The following ZNF705G variants were observed in gnomAD, a reference collection of about 807,000 sequenced individuals.
ZNF705G encodes putative zinc finger protein 705G.
A neutral mutation model predicts 19.6 loss-of-function variants in ZNF705G; 23 were observed. That is an observed-to-expected ratio of 1.17 (90% CI 0.84 to 1.66). The LOEUF (loss-of-function observed/expected upper bound fraction) is 1.66. Ranked by LOEUF, ZNF705G falls within the 40% of genes most tolerant of loss-of-function variation. The probability of loss-of-function intolerance (pLI) is 0.00; values close to 1 mark genes in which losing one functional copy is unlikely to be tolerated. For synonymous variants in ZNF705G, 146 were observed against 117.7 expected (o/e 1.24, Z -1.56); for missense variants, 457 against 354.4 (o/e 1.29, Z -2.32).
chr8:7,360,973 T>A lies in ZNF705G; in HGVS notation c.139+137A>T. ...TTTATTTCAGATAGATTTAGAGAGT[T>A]CAAACCTTTTTCAGATGAGATCTGT... On this transcript the variant is annotated intron_variant, in intron 4 of 6. Transcript: ENST00000400156. 3 of 1,519,584 alleles carry A rather than the reference T, an allele frequency of 2.0e-6. No homozygotes were observed. In the South Asian group the frequency reaches 3.7e-5, roughly 19 times the overall value. The allele number at this position is 1,519,584 out of a possible 1,614,324, so 94.1% of individuals were successfully genotyped here.
intron 1 of ZNF705G, among the ~76,000 whole-genome samples, chr8:7,382,030 T>C (rs1420779000): frequency 6.6e-6 from 1 of 152,192 alleles, no homozygotes; most frequent in African/African-American, 2.4e-5. Context: ...TGTATGTGGC[T>C]AAGCACACAA....
At chr8:7,360,593 G>A (rs1352343996) in intron 4 of ZNF705G, among the ~76,000 whole-genome samples, 1 of 149,354 alleles carries the variant, frequency 6.7e-6, no homozygotes, top group Non-Finnish European at 1.5e-5. Context: ...TAAGTTCCAA[G>A]ACGCAATGCA....
intron 2 of ZNF705G, among the ~76,000 whole-genome samples, chr8:7,370,066 G>T (rs1290324527): frequency 6.8e-6 from 1 of 147,214 alleles, no homozygotes; most frequent in African/African-American, 2.7e-5. Context: ...AATGGGCAAA[G>T]ATCTGGCTAA....
intron 2 of ZNF705G, among the ~76,000 whole-genome samples, chr8:7,380,774 C>T (rs903505387): frequency 6.8e-6 from 1 of 146,384 alleles, no homozygotes; most frequent in African/African-American, 2.8e-5. Flanking sequence ...AATCCTAGCA[C>T]TTTGGAAGGC....
chr8:7,369,536 T>C (rs1219101267), intron 2 of ZNF705G, among the ~76,000 whole-genome samples: 1 of 149,522 alleles, frequency 6.7e-6, no homozygotes, highest in Non-Finnish European at 1.5e-5. Context: ...ACAGCAGCCA[T>C]GGGGACTGAC....
Position 7,361,210 on chromosome 8 carries a change from A to G in ZNF705G, c.39T>C (p.Ala13=), listed in dbSNP as rs1223058952. ...SLKKLTFEDV[A]IDFTQEEWAM... ...CCCACTCTTCCTGGGTGAAGTCAAT[A>G]GCTACATCTTCAAAAGTCAGTTTCT... The change falls in exon 4 of 7, where the codon GCT becomes GCC. Residue 13 remains alanine, a synonymous_variant. Transcript: ENST00000400156. 1 of 1,592,792 alleles carries G rather than the reference A, an allele frequency of 6.3e-7. No individual in the cohort carries two copies. Among genetic ancestry groups the G allele is most frequent in the South Asian group, 1.1e-5 (1 of 90,736 alleles).
In ZNF705G at chr8:7,357,973, A is replaced by G. The variant is rs567927633; in HGVS notation, c.*3T>C. On this transcript the variant is annotated 3_prime_UTR_variant, in exon 7 of 7. Coordinates refer to ENST00000400156, the MANE Select transcript of ZNF705G (RefSeq NM_001164457.3). Reference sequence around the variant, plus strand: ...GCTTTTCTCCAGTGCGTGTTCTCTCATGTCATCTAAGGTTGGAAGACAGAC... The same window carrying G: ...GCTTTTCTCCAGTGCGTGTTCTCTCGTGTCATCTAAGGTTGGAAGACAGAC... The G allele has an allele frequency of 4.9e-5, 79 of 1,609,220 alleles. 1 individual carries two copies. Among genetic ancestry groups the G allele is most frequent in the Admixed American group, 2.5e-4 (15 of 59,938 alleles).
Position 7,359,567 on chromosome 8 carries a change from C to T in ZNF705G, c.318+52G>A, listed in dbSNP as rs552868804. 36 of 1,600,802 alleles carry T rather than the reference C, an allele frequency of 2.2e-5. No individual in the cohort carries two copies. The African/African-American group carries it at 4.2e-4, about 19-fold the overall frequency. On this transcript the variant is annotated intron_variant, in intron 6 of 6. Transcript: ENST00000400156. Reference sequence around the variant, plus strand: ...ATTGTGCTTCATTACTAACTTAATCCATTAACATGTCTTTAACTTAGATGA... The same window carrying T: ...ATTGTGCTTCATTACTAACTTAATCTATTAACATGTCTTTAACTTAGATGA...
intron 2 of ZNF705G, among the ~76,000 whole-genome samples, chr8:7,370,442 A>G (rs1465470812): frequency 6.7e-6 from 1 of 149,692 alleles, no homozygotes; most frequent in African/African-American, 2.6e-5. Flanking sequence ...AAAGATGTAT[A>G]ACAAGTATTA....
At chr8:7,370,189 T>A (rs1807038312) in intron 2 of ZNF705G, among the ~76,000 whole-genome samples, 1 of 147,168 alleles carries the variant, frequency 6.8e-6, no homozygotes, top group Non-Finnish European at 1.5e-5. Flanking sequence ...GAGAATGACG[T>A]GAACCTAGGA....
At chr8:7,369,314 G>C (rs1379342730) in intron 2 of ZNF705G, among the ~76,000 whole-genome samples, 2 of 149,588 alleles carry the variant, frequency 1.3e-5, no homozygotes, top group African/African-American at 2.6e-5. Flanking sequence ...TCCAATAGAA[G>C]TCTGCTGGGG....
At chr8:7,375,544 T>C (rs1807219888) in intron 2 of ZNF705G, among the ~76,000 whole-genome samples, 1 of 92,498 alleles carries the variant, frequency 1.1e-5, no homozygotes, top group Non-Finnish European at 2.1e-5. Flanking sequence ...ATACACCCAG[T>C]AGTGAGATTA....
rs374121212 is a variant in ZNF705G, at chr8:7,370,243, C to T, written c.-71-7226G>A. On this transcript the variant is annotated intron_variant, in intron 2 of 6. Coordinates refer to ENST00000400156, the MANE Select transcript of ZNF705G (RefSeq NM_001164457.3). ...CCGAGATCACGCCACTGCACTCCAGCCTGTGTGACACACCGAGACTCCATC... is the reference window on the plus strand; with the variant it reads ...CCGAGATCACGCCACTGCACTCCAGTCTGTGTGACACACCGAGACTCCATC... 6.1e-4 allele frequency among the ~76,000 whole-genome samples: 88 copies of T among 144,936 alleles called. 2 individuals carry two copies. Among genetic ancestry groups the T allele is most frequent in the South Asian group, 2.4e-3 (11 of 4,586 alleles).
intron 2 of ZNF705G, among the ~76,000 whole-genome samples, chr8:7,370,776 C>A (rs1207463375): frequency 1.7e-5 from 2 of 120,532 alleles, no homozygotes; most frequent in Non-Finnish European, 3.3e-5. Flanking sequence ...ATGTTCATTG[C>A]AGCACTATTC....
intron 2 of ZNF705G, among the ~76,000 whole-genome samples, chr8:7,379,644 G>C (rs561641122): frequency 6.8e-6 from 1 of 147,336 alleles, no homozygotes; most frequent in Admixed American, 6.6e-5. Flanking sequence ...AGCCAGGACA[G>C]GCTCTCCAGT....
At chr8:7,358,764 C>A (rs748573502) in intron 6 of ZNF705G, among the ~76,000 whole-genome samples, 1 of 149,450 alleles carries the variant, frequency 6.7e-6, no homozygotes, top group Non-Finnish European at 1.5e-5. Flanking sequence ...AACTGGGTCA[C>A]ACAAACCTGC....
intron 2 of ZNF705G, among the ~76,000 whole-genome samples, chr8:7,364,313 T>A (rs1197097459): frequency 6.7e-6 from 1 of 149,718 alleles, no homozygotes; most frequent in African/African-American, 2.6e-5. Context: ...CAAATGATAA[T>A]TATGTGTCAT....
At chr8:7,384,466 A>T (rs1266139277) in intron 1 of ZNF705G, among the ~76,000 whole-genome samples, 1 of 145,870 alleles carries the variant, frequency 6.9e-6, no homozygotes, top group Non-Finnish European at 1.5e-5. Context: ...CATGAAAAAA[A>T]GCTCATCATC....
chr8:7,370,255 A>G (rs1293966024), intron 2 of ZNF705G, among the ~76,000 whole-genome samples: 1 of 138,520 alleles, frequency 7.2e-6, no homozygotes, highest in Non-Finnish European at 1.5e-5. Flanking sequence ...TGTGTGACAC[A>G]CCGAGACTCC....
Sources: gnomAD v4.1 joint callset for allele counts (sites outside exome capture counted in the v4.1 genomes callset) on GRCh38, gnomAD v4.1.1 for gene constraint, MANE v1.5 for transcripts, NCBI Gene and HGNC (gene_info 2026-07-23, HGNC 2026-07-21) for gene names.